The following CACNA2D2 variants were observed in gnomAD, a reference collection of about 807,000 sequenced individuals.
The protein encoded by CACNA2D2 is voltage-dependent calcium channel subunit alpha-2/delta-2.
Under a neutral mutation model 166.4 loss-of-function variants are expected in CACNA2D2, and 48 were observed. The ratio of observed to expected loss-of-function variants is 0.29; its 90% CI spans 0.23 to 0.37. CACNA2D2 has a LOEUF of 0.37. Among genes scored for constraint, CACNA2D2 ranks in the 10% least tolerant of loss-of-function variants. The pLI is 1.00. For synonymous variants in CACNA2D2, 561 were observed against 573.7 expected (o/e 0.98, Z 0.32); for missense variants, 1,122 against 1,433.0 (o/e 0.78, Z 3.50).
rs754150575 is a variant in CACNA2D2, at chr3:50,368,142, C to T, written c.2139G>A (p.Lys713=). The change falls in exon 24 of 38, where the codon AAG becomes AAA. Residue 713 remains lysine (K), a synonymous_variant. Coordinates refer to ENST00000424201, the MANE Select transcript of CACNA2D2 (RefSeq NM_006030.4). ...GCTGCCCTGCCAGGCACTCACACTG[C>T]TTGGAGTCTGGAGTCACTTTCTCCA... ...ELMEKVTPDS[K]QCNNFLLHNL... 2 of 1,611,500 alleles carry T rather than the reference C, an allele frequency of 1.2e-6. No individual in the cohort carries two copies. Among genetic ancestry groups the T allele is most frequent in the South Asian group, 2.2e-5 (2 of 91,026 alleles).
At chr3:50,364,838 G>C in intron 37 of CACNA2D2, 32 bp from the exon 38 acceptor site, 1 of 1,613,098 alleles carries the variant, frequency 6.2e-7, no homozygotes. Flanking sequence ...TGGTCGGCCT[G>C]GGCGGGCGCA....
At chr3:50,429,166 G>A (rs1311749395) in intron 3 of CACNA2D2, among the ~76,000 whole-genome samples, 1 of 152,096 alleles carries the variant, frequency 6.6e-6, no homozygotes, top group Admixed American at 6.5e-5. Context: ...GGAGGCAGAG[G>A]TTGCAGTGAG....
At chr3:50,444,068 T>A (rs1243354019) in intron 2 of CACNA2D2, among the ~76,000 whole-genome samples, 1 of 152,182 alleles carries the variant, frequency 6.6e-6, no homozygotes, top group East Asian at 1.9e-4. Flanking sequence ...CAAAATCTGC[T>A]TTCTCTGTAT....
Position 50,365,157 on chromosome 3 carries a change from G to C in CACNA2D2, c.3126C>G (p.Asn1042Lys). Residue 1042 changes from asparagine (N) to lysine (K), a missense_variant, in exon 36 of 38, where the codon AAC becomes AAG. By Grantham distance (94) the Asn-to-Lys change is moderately conservative. Coordinates refer to ENST00000424201, the MANE Select transcript of CACNA2D2 (RefSeq NM_006030.4). This position sits in a 1 kb window ranked among gnomAD's most constrained non-coding sequence, Gnocchi z 4.5. ...SRLFHAQRLT[N>K]TNLLFVVAEK... Reference sequence around the variant, plus strand: ...CGGCCACCACAAAGAGAAGATTGGTGTTGGTCAGTCTCTGCGCGTGGAACA... The same window carrying C: ...CGGCCACCACAAAGAGAAGATTGGTCTTGGTCAGTCTCTGCGCGTGGAACA... The C allele has an allele frequency of 6.2e-7, 1 of 1,612,196 alleles. No individual in the cohort carries two copies. The highest frequency in any genetic ancestry group is 8.5e-7 in the Non-Finnish European group (1 of 1,179,724).
intron 1 of CACNA2D2, among the ~76,000 whole-genome samples, chr3:50,500,217 G>A (rs1250161500): frequency 6.6e-6 from 1 of 151,712 alleles, no homozygotes; most frequent in South Asian, 2.1e-4. Flanking sequence ...TAATCTGCTG[G>A]TGGTCCAAAC....
chr3:50,394,347 G>A (rs780173867), intron 3 of CACNA2D2, among the ~76,000 whole-genome samples, 179 bp from the exon 4 acceptor site: 1 of 152,094 alleles, frequency 6.6e-6, no homozygotes, highest in African/African-American at 2.4e-5. Flanking sequence ...CTTGCTGTGT[G>A]GGCACCTCCT....
chr3:50,432,033 T>C (rs143902709), intron 3 of CACNA2D2, among the ~76,000 whole-genome samples: 2 of 150,492 alleles, frequency 1.3e-5, no homozygotes, highest in African/African-American at 4.9e-5. Context: ...TTCTGTTTAG[T>C]GCCGACTGTC....
intron 3 of CACNA2D2, among the ~76,000 whole-genome samples, chr3:50,423,366 G>C (rs1707662048): frequency 6.6e-6 from 1 of 152,244 alleles, no homozygotes; most frequent in South Asian, 2.1e-4. Context: ...TGAATAGAAG[G>C]CTGGGAAGCC....
At chr3:50,394,075 C>A (rs1212634633) in intron 4 of CACNA2D2, 34 bp downstream of exon 4, 2 of 1,604,618 alleles carry the variant, frequency 1.2e-6, no homozygotes, top group African/African-American at 2.7e-5. Flanking sequence ...GATGGGCATG[C>A]CCTAAGTGCT....
At chr3:50,452,785 G>A (rs1308800195) in intron 2 of CACNA2D2, among the ~76,000 whole-genome samples, 1 of 152,196 alleles carries the variant, frequency 6.6e-6, no homozygotes, top group Admixed American at 6.5e-5. Flanking sequence ...TCCTCAGGGG[G>A]TTATAGTTTC....
At chr3:50,500,864 A>G (rs1363517495) in intron 1 of CACNA2D2, among the ~76,000 whole-genome samples, 1 of 151,768 alleles carries the variant, frequency 6.6e-6, no homozygotes, top group Non-Finnish European at 1.5e-5. Flanking sequence ...GTGGGCAGAG[A>G]GCCATGCTGC....
chr3:50,413,933 C>T (rs1361304071), intron 3 of CACNA2D2, among the ~76,000 whole-genome samples: 1 of 151,496 alleles, frequency 6.6e-6, no homozygotes, highest in Non-Finnish European at 1.5e-5. Context: ...CCCATGAAAC[C>T]CACCCCCCTA....
intron 2 of CACNA2D2, among the ~76,000 whole-genome samples, chr3:50,457,793 TTTGA>T (rs1709426782): frequency 6.6e-6 from 1 of 152,214 alleles, no homozygotes; most frequent in African/African-American, 2.4e-5. Flanking sequence ...CTTCTTTTTG[TTTGA>T]TTCTTCTCAC....
intron 21 of CACNA2D2, 63 bp from the exon 22 acceptor site, chr3:50,374,876 C>T: frequency 7.3e-7 from 1 of 1,364,704 alleles, no homozygotes; most frequent in African/African-American, 1.4e-5. Context: ...ACCCCCTCCC[C>T]ATGGCCTTGG....
In CACNA2D2 at chr3:50,363,973, C is replaced by T. The variant is rs1173341122; in HGVS notation, c.*693G>A. On this transcript the variant is annotated 3_prime_UTR_variant, in exon 38 of 38. Coordinates refer to ENST00000424201, the MANE Select transcript of CACNA2D2 (RefSeq NM_006030.4). ...TCGCCCTGTGTAAGGCTTTGTAAGC[C>T]CCTACACCCACCCCACCCCATAGTG... 3 of 152,520 alleles carry T rather than the reference C, an allele frequency of 2.0e-5. No individual in the cohort carries two copies. Among genetic ancestry groups the T allele is most frequent in the African/African-American group, 7.2e-5 (3 of 41,424 alleles). The allele number at this position is 152,520 out of a possible 1,614,324, so 9.4% of individuals were successfully genotyped here.
chr3:50,410,488 G>C lies in CACNA2D2; in HGVS notation c.406-16320C>G, dbSNP rs955979552. 3.3e-5 allele frequency among the ~76,000 whole-genome samples: 5 copies of C among 152,030 alleles called. 1 individual carries two copies. The highest frequency in any genetic ancestry group is 1.9e-4 in the East Asian group (1 of 5,174). Reference sequence around the variant, plus strand: ...CTGGGTGCTCCCTGGGATGGGGGGGGGGGTGTTGTCTTTGTGCCCCAGAGT... The same window carrying C: ...CTGGGTGCTCCCTGGGATGGGGGGGCGGGTGTTGTCTTTGTGCCCCAGAGT... On this transcript the variant is annotated intron_variant, in intron 3 of 37. Transcript: ENST00000424201.
At chr3:50,431,464 G>GGA (rs1708061514) in intron 3 of CACNA2D2, among the ~76,000 whole-genome samples, 1 of 152,070 alleles carries the variant, frequency 6.6e-6, no homozygotes. Flanking sequence ...ATAATGTGGG[G>GGA]GAGTCAAGGG....
chr3:50,467,560 C>T (rs926901321), intron 2 of CACNA2D2, among the ~76,000 whole-genome samples: 1 of 152,164 alleles, frequency 6.6e-6, no homozygotes, highest in Admixed American at 6.5e-5. Flanking sequence ...CACAGGCATA[C>T]GTACACACCT....
At position 50,367,923 on chromosome 3, in the gene CACNA2D2, TGGG is replaced by T; in HGVS notation, c.2144-24_2144-22del. On this transcript the variant is annotated intron_variant, in intron 24 of 37. Transcript: ENST00000424201. This position sits in a 1 kb window ranked among gnomAD's most constrained non-coding sequence, Gnocchi z 6.5. ...GTTGCCTGGAACAGGAGGGGAGGGG[TGGG>T]GGTGGGGGCATCTTCTTGCAGCTCC... is the stretch of plus-strand genomic sequence containing the variant. 1 of 222,404 alleles carries T rather than the reference TGGG, an allele frequency of 4.5e-6. No individual in the cohort carries two copies. The highest frequency in any genetic ancestry group is 9.0e-6 in the Non-Finnish European group (1 of 111,460). 13.8% of individuals were successfully genotyped at this position (222,404 alleles called of 1,614,324 possible).
Sources: gnomAD v4.1 joint callset for allele counts (sites outside exome capture counted in the v4.1 genomes callset) on GRCh38, gnomAD v4.1.1 for gene constraint, Gnocchi (gnomAD v3.1) non-coding constraint, MANE v1.5 for transcripts, NCBI Gene and HGNC (gene_info 2026-07-23, HGNC 2026-07-21) for gene names.